SLC25A21: variants seen among roughly 807,000 people sequenced by gnomAD.
SLC25A21 encodes the protein solute carrier family 25 member 21.
SLC25A21 carries 47 observed loss-of-function variants against 43.8 expected under a neutral mutation model. That is an observed-to-expected ratio of 1.07 (90% CI 0.85 to 1.37). SLC25A21 has a LOEUF of 1.37. SLC25A21 is among the 40% of genes most tolerant of loss of function. The pLI, the probability that SLC25A21 is intolerant of heterozygous loss-of-function variation, is 0.00. For synonymous variants in SLC25A21, 131 were observed against 121.3 expected (o/e 1.08, Z -0.52); for missense variants, 352 against 350.2 (o/e 1.00, Z -0.04).
chr14:37,147,468 T>C (rs1013578458), intron 1 of SLC25A21, among the ~76,000 whole-genome samples: 2 of 152,060 alleles, frequency 1.3e-5, no homozygotes, highest in Non-Finnish European at 2.9e-5. Context: ...GCCACCACAC[T>C]ATCTCCACAT....
At chr14:36,747,594 C>T (rs1885547324) in intron 3 of SLC25A21, among the ~76,000 whole-genome samples, 1 of 152,162 alleles carries the variant, frequency 6.6e-6, no homozygotes, top group Non-Finnish European at 1.5e-5. Flanking sequence ...CAGGAATTCA[C>T]ACCCTGTTGT....
intron 1 of SLC25A21, among the ~76,000 whole-genome samples, chr14:37,053,775 A>T (rs1224151929): frequency 2.0e-5 from 3 of 152,218 alleles, no homozygotes; most frequent in African/African-American, 7.2e-5. Context: ...AAAAAATGCT[A>T]TTAGGGTCAT....
intron 3 of SLC25A21, among the ~76,000 whole-genome samples, chr14:36,748,825 A>T (rs1334610853): frequency 6.6e-6 from 1 of 152,202 alleles, no homozygotes; most frequent in Admixed American, 6.5e-5. Context: ...GGCATCTTGT[A>T]ATTAGCATGT....
chr14:36,721,096 C>T (rs1008669457), intron 6 of SLC25A21, among the ~76,000 whole-genome samples: 5 of 152,178 alleles, frequency 3.3e-5, no homozygotes, highest in African/African-American at 1.2e-4. Context: ...GTAAGATCAC[C>T]TTGCATCTAG....
At chr14:36,704,790 C>G (rs2139176628) in intron 7 of SLC25A21, among the ~76,000 whole-genome samples, 1 of 152,198 alleles carries the variant, frequency 6.6e-6, no homozygotes, top group Non-Finnish European at 1.5e-5. Flanking sequence ...TGTCATATGG[C>G]TTCAGGTGAA....
At chr14:37,064,122 T>C (rs963273260) in intron 1 of SLC25A21, among the ~76,000 whole-genome samples, 5 of 152,098 alleles carry the variant, frequency 3.3e-5, no homozygotes, top group African/African-American at 9.7e-5. Flanking sequence ...GGAGCCCAGA[T>C]AGAACAAAAA....
intron 7 of SLC25A21, among the ~76,000 whole-genome samples, chr14:36,690,772 G>A (rs1191851036): frequency 6.6e-6 from 1 of 152,156 alleles, no homozygotes; most frequent in Non-Finnish European, 1.5e-5. Context: ...TCTGAGTCCT[G>A]CAAGATGATA....
At chr14:36,926,336 C>A (rs1401580598) in intron 1 of SLC25A21, among the ~76,000 whole-genome samples, 2 of 151,956 alleles carry the variant, frequency 1.3e-5, no homozygotes, top group African/African-American at 4.8e-5. Flanking sequence ...ACAACATTAT[C>A]AAAATTTGAC....
intron 6 of SLC25A21, among the ~76,000 whole-genome samples, chr14:36,713,123 T>G (rs1883962912): frequency 2.0e-5 from 3 of 152,156 alleles, no homozygotes; most frequent in Admixed American, 2.0e-4. Context: ...CCATCCTCAC[T>G]CCTCTGAGGT....
chr14:36,768,933 CA>C (rs3061623), intron 3 of SLC25A21, among the ~76,000 whole-genome samples: 1,924 of 126,034 alleles, frequency 0.015, 32 homozygotes, highest in African/African-American at 0.051. Context: ...CTGTCTCTAC[CA>C]AAAAAAAAAA....
rs149309236 is a variant in SLC25A21 at position 37,161,012 on chromosome 14, CGG to C, written c.70+11267_70+11268del. Among the ~76,000 whole-genome samples the C allele has an allele frequency of 7.1e-3, 579 of 82,056 alleles. 4 individuals carry two copies. The highest frequency in any genetic ancestry group is 0.038 in the African/African-American group (561 of 14,616). The allele number at this position is 82,056 out of a possible 152,430, so 53.8% of individuals were successfully genotyped here. A position where few individuals can be genotyped will look rare whatever the true frequency, so the allele number is the denominator to read the frequency against. On this transcript the variant is annotated intron_variant, in intron 1 of 9. Transcript: ENST00000331299. Reference sequence around the variant, plus strand: ...GAAAAGGGGGGGCAGGTGGAGGGGGCGGGGGGGAGGAGAAGAAATAAATTCAA... The same window carrying C: ...GAAAAGGGGGGGCAGGTGGAGGGGGCGGGGGAGGAGAAGAAATAAATTCAA...
chr14:36,688,967 T>C (rs1175730124), intron 7 of SLC25A21, among the ~76,000 whole-genome samples: 1 of 152,136 alleles, frequency 6.6e-6, no homozygotes, highest in African/African-American at 2.4e-5. Context: ...AGTGGGTGGG[T>C]TGGTGAGGGA....
chr14:37,004,922 AG>A (rs1386613186), intron 1 of SLC25A21, among the ~76,000 whole-genome samples: 3 of 132,958 alleles, frequency 2.3e-5, no homozygotes, highest in African/African-American at 1.1e-4. Context: ...ATGGCAGGGA[AG>A]GAATTTTTTT....
At chr14:36,928,405 T>C (rs1406366072) in intron 1 of SLC25A21, among the ~76,000 whole-genome samples, 6 of 151,962 alleles carry the variant, frequency 3.9e-5, no homozygotes, top group Admixed American at 3.3e-4. Context: ...AATCAACTTT[T>C]ATGGCAGGAC....
chr14:36,920,639 C>T (rs182936113), intron 1 of SLC25A21, among the ~76,000 whole-genome samples: 218 of 152,154 alleles, frequency 1.4e-3, no homozygotes, highest in African/African-American at 5.1e-3. Context: ...TCTGAATGAA[C>T]ATTTTTATTA....
intron 6 of SLC25A21, among the ~76,000 whole-genome samples, chr14:36,713,948 T>A (rs566134762): frequency 2.0e-5 from 3 of 152,216 alleles, no homozygotes; most frequent in Admixed American, 1.3e-4. Context: ...TGAACTGTTA[T>A]CCTGTCACTG....
At chr14:37,089,845 T>C (rs367576998) in intron 1 of SLC25A21, among the ~76,000 whole-genome samples, 2 of 152,246 alleles carry the variant, frequency 1.3e-5, no homozygotes, top group African/African-American at 4.8e-5. Flanking sequence ...AGCCCCAAGT[T>C]GATGTCTTAT....
At chr14:37,087,425 TC>T (rs1372096346) in intron 1 of SLC25A21, among the ~76,000 whole-genome samples, 1 of 152,180 alleles carries the variant, frequency 6.6e-6, no homozygotes, top group Non-Finnish European at 1.5e-5. Flanking sequence ...CAACTGGGTT[TC>T]ATTTTCCTTT....
chr14:36,959,847 G>A (rs566366577), intron 1 of SLC25A21, among the ~76,000 whole-genome samples: 1 of 152,176 alleles, frequency 6.6e-6, no homozygotes, highest in Admixed American at 6.5e-5. Context: ...AGTTAAGACA[G>A]AATATTGAAA....
Sources: gnomAD v4.1 joint callset for allele counts (sites outside exome capture counted in the v4.1 genomes callset) on GRCh38, gnomAD v4.1.1 for gene constraint, MANE v1.5 for transcripts, NCBI Gene and HGNC (gene_info 2026-07-23, HGNC 2026-07-21) for gene names.